The following ABLIM1 variants were observed in gnomAD, a reference collection of about 807,000 sequenced individuals.
ABLIM1 encodes actin binding LIM protein 1.
In ABLIM1, 40 loss-of-function variants were observed where a neutral mutation model predicts 107.0. That is an observed-to-expected ratio of 0.37 (90% CI 0.29 to 0.49). ABLIM1 has a LOEUF of 0.49. Among genes scored for constraint, ABLIM1 ranks in the 20% least tolerant of loss-of-function variants. The probability of loss-of-function intolerance (pLI) is 0.97; values close to 1 mark genes in which losing one functional copy is unlikely to be tolerated. For missense variants in ABLIM1, 857 were observed against 1,008.5 expected, an observed-to-expected ratio of 0.85 and a Z score of 2.04; for synonymous variants, 357 against 357.3, an observed-to-expected ratio of 1.00 and a Z score of 0.01.
At chr10:114,521,381 G>T (rs1001953593) in intron 6 of ABLIM1, among the ~76,000 whole-genome samples, 1 of 152,240 alleles carries the variant, frequency 6.6e-6, no homozygotes, top group Non-Finnish European at 1.5e-5. Context: ...CTTTGATGAA[G>T]TATGCTTATA....
intron 1 of ABLIM1, among the ~76,000 whole-genome samples, chr10:114,726,486 T>TG (rs954304423): frequency 6.6e-6 from 1 of 151,778 alleles, no homozygotes; most frequent in Admixed American, 6.6e-5. Flanking sequence ...AAAGGGAGAC[T>TG]GGGGGGAGAT....
At position 114,474,506 on chromosome 10, in the gene ABLIM1, G is replaced by C. The variant is rs189411307; in HGVS notation, c.1042-550C>G. ...CACTTTTCTCCTGCCTCAGCCTCCCGAGTAGCTAGAACTACAGGCACCTGC... is the reference window on the plus strand; with the variant it reads ...CACTTTTCTCCTGCCTCAGCCTCCCCAGTAGCTAGAACTACAGGCACCTGC... On this transcript the variant is annotated intron_variant, in intron 8 of 22. Transcript: ENST00000533213. Among the ~76,000 whole-genome samples the C allele has an allele frequency of 2.7e-4, 41 of 150,594 alleles. No homozygotes were observed. In the East Asian group the frequency reaches 6.9e-3, roughly 25 times the overall value.
At chr10:114,670,579 C>T (rs908013406) in intron 1 of ABLIM1, among the ~76,000 whole-genome samples, 10 of 152,124 alleles carry the variant, frequency 6.6e-5, no homozygotes, top group African/African-American at 2.2e-4. Context: ...CTGCAACCTC[C>T]GACTCCCGGC....
rs79725027 is a variant in ABLIM1 at position 114,436,257 on chromosome 10, G to A, written c.*3C>T. 11 of 1,608,958 alleles carry A rather than the reference G, an allele frequency of 6.8e-6. No homozygotes were observed. Among genetic ancestry groups the A allele is most frequent in the Non-Finnish European group, 9.4e-6 (11 of 1,175,500 alleles). On this transcript the variant is annotated 3_prime_UTR_variant, in exon 23 of 23. Coordinates refer to ENST00000533213, the MANE Select transcript of ABLIM1 (RefSeq NM_002313.7). ...TTCTCTAATTGCCATTCACGAGTGGGACTTAGAAGAGTTTTGCTTTTTTCT... is the reference window on the plus strand; with the variant it reads ...TTCTCTAATTGCCATTCACGAGTGGAACTTAGAAGAGTTTTGCTTTTTTCT...
At chr10:114,544,960 T>C (rs1355163447) in intron 6 of ABLIM1, 45 bp downstream of exon 6, 2 of 1,576,996 alleles carry the variant, frequency 1.3e-6, no homozygotes, top group Admixed American at 1.7e-5. Flanking sequence ...TGAGGGCCGC[T>C]GAGAAAGATG....
chr10:114,693,856 T>G lies in ABLIM1; in HGVS notation c.-213+74205A>C, dbSNP rs980849449. ...TTTTTTTTTTTTGTAGAGATTGGGT[T>G]ATTGCTGTGTTGCTCAGGCTGGTCT... On this transcript the variant is annotated intron_variant, in intron 1 of 15. Coordinates refer to the ABLIM1 transcript ENST00000651092. 2.0e-5 allele frequency among the ~76,000 whole-genome samples: 3 copies of G among 149,786 alleles called. No homozygotes were observed. The East Asian group carries it at 5.9e-4, about 29-fold the overall frequency.
chr10:114,723,376 C>G (rs577190431), intron 1 of ABLIM1, among the ~76,000 whole-genome samples: 17 of 152,112 alleles, frequency 1.1e-4, no homozygotes, highest in South Asian at 6.2e-4. Context: ...AGTCTGGGTT[C>G]TTTGGAAATG....
At chr10:114,775,191 A>C in the ABLIM1 span, among the ~76,000 whole-genome samples, 1 of 152,128 alleles carries the variant, frequency 6.6e-6, no homozygotes, top group South Asian at 2.1e-4. Flanking sequence ...TATCACATGA[A>C]CAGCATGGGG....
chr10:114,649,869 T>A (rs2079167191), intron 1 of ABLIM1, among the ~76,000 whole-genome samples: 1 of 152,202 alleles, frequency 6.6e-6, no homozygotes, highest in South Asian at 2.1e-4. Flanking sequence ...TTTCTTTTTT[T>A]TTTTGAGACA....
chr10:114,651,983 G>C (rs966450823), intron 1 of ABLIM1, among the ~76,000 whole-genome samples: 21 of 152,222 alleles, frequency 1.4e-4, no homozygotes, highest in African/African-American at 4.8e-4. Context: ...CCTAGTCAAA[G>C]CCATCAGTCA....
At chr10:114,568,926 A>C (rs1050890303) in intron 4 of ABLIM1, among the ~76,000 whole-genome samples, 3 of 152,240 alleles carry the variant, frequency 2.0e-5, no homozygotes, top group African/African-American at 7.2e-5. Flanking sequence ...GAAATTTAAT[A>C]AAAATTAGAA....
chr10:114,790,928 G>A, the ABLIM1 span, among the ~76,000 whole-genome samples: 7 of 152,152 alleles, frequency 4.6e-5, no homozygotes, highest in East Asian at 1.4e-3. Flanking sequence ...ACATGTATTT[G>A]TAAATGCATT....
intron 1 of ABLIM1, among the ~76,000 whole-genome samples, chr10:114,647,924 T>G (rs2079075977): frequency 6.6e-6 from 1 of 152,238 alleles, no homozygotes; most frequent in African/African-American, 2.4e-5. Flanking sequence ...ATATAATGTT[T>G]GCAGACCTTT....
intron 2 of ABLIM1, among the ~76,000 whole-genome samples, chr10:114,598,461 A>G (rs1218114514): frequency 6.6e-6 from 1 of 150,400 alleles, no homozygotes; most frequent in African/African-American, 2.5e-5. Flanking sequence ...GGAGGTGCAC[A>G]CCTGTAGTCC....
intron 4 of ABLIM1, among the ~76,000 whole-genome samples, chr10:114,559,438 C>CAAAAAAAAAAAAAAA (rs72456292): frequency 2.0e-5 from 1 of 49,340 alleles, no homozygotes; most frequent in Non-Finnish European, 3.8e-5. Context: ...ACTCGTCTCT[C>CAAAAAAAAAAAAAAA]AAAAAAAAAA....
intron 2 of ABLIM1, 126 bp downstream of exon 2, chr10:114,601,701 G>T: frequency 6.8e-7 from 1 of 1,465,832 alleles, no homozygotes; most frequent in Non-Finnish European, 9.6e-7. Flanking sequence ...AGTAAATGAT[G>T]TCAGGGCTTC....
chr10:114,641,298 C>T (rs959605809), intron 1 of ABLIM1, among the ~76,000 whole-genome samples: 1 of 129,168 alleles, frequency 7.7e-6, no homozygotes, highest in Non-Finnish European at 1.6e-5. Context: ...GTTAGCAAAT[C>T]TTCCCAGGAA....
chr10:114,497,228 C>T (rs1284613782), intron 6 of ABLIM1, among the ~76,000 whole-genome samples: 1 of 152,200 alleles, frequency 6.6e-6, no homozygotes, highest in Non-Finnish European at 1.5e-5. Flanking sequence ...CAGACAACGG[C>T]ATGAAGGTTG....
At chr10:114,460,192 C>G (rs1021475217) in intron 12 of ABLIM1, among the ~76,000 whole-genome samples, 11 of 152,210 alleles carry the variant, frequency 7.2e-5, no homozygotes, top group African/African-American at 2.4e-4. Context: ...CCAGCACTGC[C>G]ATGTCCTAGT....
Sources: gnomAD v4.1 joint callset for allele counts (sites outside exome capture counted in the v4.1 genomes callset) on GRCh38, gnomAD v4.1.1 for gene constraint, MANE v1.5 for transcripts, NCBI Gene and HGNC (gene_info 2026-07-23, HGNC 2026-07-21) for gene names.